RPS6KA2: variants seen among roughly 807,000 people sequenced by gnomAD.
RPS6KA2 encodes the protein ribosomal protein S6 kinase alpha-2.
RPS6KA2 carries 42 observed loss-of-function variants against 91.8 expected under a neutral mutation model. That is an observed-to-expected ratio of 0.46 (90% CI 0.36 to 0.59). RPS6KA2 has a LOEUF of 0.59. Among genes scored for constraint, RPS6KA2 ranks in the 20% least tolerant of loss-of-function variants. The probability of loss-of-function intolerance (pLI) is 0.00; values close to 1 mark genes in which losing one functional copy is unlikely to be tolerated. For missense variants in RPS6KA2, 798 were observed against 978.5 expected, an observed-to-expected ratio of 0.82 and a Z score of 2.46; for synonymous variants, 414 against 393.6, an observed-to-expected ratio of 1.05 and a Z score of -0.61.
chr6:166,840,362 C>G (rs1044431380), intron 2 of RPS6KA2, among the ~76,000 whole-genome samples: 3 of 152,184 alleles, frequency 2.0e-5, no homozygotes, highest in African/African-American at 7.2e-5. Flanking sequence ...CGACGGCCTT[C>G]CTCTCTCTAC....
At chr6:166,442,755 A>G (rs924472610) in intron 14 of RPS6KA2, among the ~76,000 whole-genome samples, 6 of 152,220 alleles carry the variant, frequency 3.9e-5, no homozygotes, top group Non-Finnish European at 8.8e-5. Context: ...TATGACATCT[A>G]TAATAAATAA....
In RPS6KA2 at chr6:166,683,015, A is replaced by G. The variant is rs189737899; in HGVS notation, c.124-144231T>C. 4.3e-4 allele frequency among the ~76,000 whole-genome samples: 66 copies of G among 152,352 alleles called. No individual in the cohort carries two copies. The East Asian group carries it at 0.012, about 28-fold the overall frequency. ...GCAACGAGAAACTAGGGGAAGGCCT[A>G]CCAGCTGATGGACGTCAGATGGGTC... On this transcript the variant is annotated intron_variant, in intron 2 of 21. Coordinates refer to the RPS6KA2 transcript ENST00000503859.
chr6:166,561,404 G>A (rs1008109537), intron 1 of RPS6KA2, among the ~76,000 whole-genome samples: 4 of 151,846 alleles, frequency 2.6e-5, no homozygotes, highest in East Asian at 3.9e-4. Flanking sequence ...AGGCCTGCTC[G>A]TTCCCCGCCA....
chr6:166,701,333 C>CTG, intron 2 of RPS6KA2: 2 of 1,276,064 alleles, frequency 1.6e-6, no homozygotes, highest in Non-Finnish European at 2.3e-6. Flanking sequence ...CCAGTAACTG[C>CTG]CAGCAGCAAA....
intron 1 of RPS6KA2, among the ~76,000 whole-genome samples, chr6:166,607,745 G>C (rs1027608798): frequency 6.6e-6 from 1 of 152,194 alleles, no homozygotes; most frequent in Non-Finnish European, 1.5e-5. Context: ...GAATTGTATG[G>C]TATGTGAATT....
At chr6:166,641,722 A>C (rs1339176690) in intron 2 of RPS6KA2, among the ~76,000 whole-genome samples, 20 of 49,676 alleles carry the variant, frequency 4.0e-4, no homozygotes, top group African/African-American at 2.3e-3. Flanking sequence ...TCTGTCACAA[A>C]AAAAAAAAAA....
At chr6:166,584,488 A>G (rs944326363) in intron 1 of RPS6KA2, among the ~76,000 whole-genome samples, 2 of 152,150 alleles carry the variant, frequency 1.3e-5, no homozygotes, top group African/African-American at 2.4e-5. Context: ...TGACAGGGAC[A>G]CTCTAAATGT....
At chr6:166,718,388 C>T (rs1398634341) in intron 2 of RPS6KA2, among the ~76,000 whole-genome samples, 1 of 152,122 alleles carries the variant, frequency 6.6e-6, no homozygotes, top group Non-Finnish European at 1.5e-5. Flanking sequence ...GTTTCCAAGG[C>T]ACCCCTAAAC....
intron 2 of RPS6KA2, among the ~76,000 whole-genome samples, chr6:166,699,696 T>C (rs757841070): frequency 6.6e-6 from 1 of 152,186 alleles, no homozygotes; most frequent in Non-Finnish European, 1.5e-5. Context: ...AGTGAGCAAA[T>C]GAGTTCGGTA....
chr6:166,550,767 C>A (rs951540780), intron 1 of RPS6KA2, among the ~76,000 whole-genome samples: 2 of 151,924 alleles, frequency 1.3e-5, no homozygotes, highest in South Asian at 2.1e-4. Context: ...CTTTGGGAGG[C>A]CAAGGCGGTC....
At chr6:166,558,905 A>G (rs1291698399) in intron 1 of RPS6KA2, among the ~76,000 whole-genome samples, 1 of 152,222 alleles carries the variant, frequency 6.6e-6, no homozygotes, top group African/African-American at 2.4e-5. Context: ...CAAGTGCTTT[A>G]TGTGAGGCAG....
intron 2 of RPS6KA2, among the ~76,000 whole-genome samples, chr6:166,724,483 G>A (rs972614180): frequency 6.6e-6 from 1 of 151,242 alleles, no homozygotes; most frequent in East Asian, 1.9e-4. Flanking sequence ...GACTTTTTGA[G>A]TTACTCTTTC....
At chr6:166,424,165 C>T (rs960302436) in intron 16 of RPS6KA2, among the ~76,000 whole-genome samples, 2 of 152,218 alleles carry the variant, frequency 1.3e-5, no homozygotes, top group East Asian at 1.9e-4. Flanking sequence ...AAGGGACACA[C>T]TCCAGCAGTC....
At chr6:166,686,099 T>C (rs1319065022) in intron 2 of RPS6KA2, among the ~76,000 whole-genome samples, 1 of 152,128 alleles carries the variant, frequency 6.6e-6, no homozygotes, top group African/African-American at 2.4e-5. Context: ...GAGAATCTTA[T>C]TTGGCAGTGA....
chr6:166,462,646 G>A (rs779193795), intron 11 of RPS6KA2, among the ~76,000 whole-genome samples: 7 of 152,164 alleles, frequency 4.6e-5, no homozygotes, highest in Non-Finnish European at 8.8e-5. Context: ...GAGTCACCTG[G>A]GATGCCCAGT....
At chr6:166,461,995 C>A (rs532954885) in intron 11 of RPS6KA2, among the ~76,000 whole-genome samples, 1 of 152,252 alleles carries the variant, frequency 6.6e-6, no homozygotes, top group Non-Finnish European at 1.5e-5. Flanking sequence ...CCTGTGTGAC[C>A]GCTGCAGGCT....
rs529847017 is a variant in RPS6KA2 at position 166,520,550 on chromosome 6, G to A, written c.299-10193C>T. On this transcript the variant is annotated intron_variant, in intron 3 of 20. Transcript: ENST00000265678. ...CCATCCCGTTGGTTGTGTTACTCTG[G>A]AAAATCCTGAATAATACAGAATTTG... 3.7e-4 allele frequency among the ~76,000 whole-genome samples: 57 copies of A among 152,290 alleles called. No homozygotes were observed. The South Asian group carries it at 4.6e-3, about 12-fold the overall frequency.
At chr6:166,687,467 A>G (rs1789059059) in intron 2 of RPS6KA2, among the ~76,000 whole-genome samples, 1 of 152,196 alleles carries the variant, frequency 6.6e-6, no homozygotes, top group Non-Finnish European at 1.5e-5. Context: ...TAGTGGGGGC[A>G]GGGGGACACC....
In RPS6KA2 at chr6:166,648,022, A is replaced by T. The variant is rs546162285; in HGVS notation, c.124-109238T>A. Reference sequence around the variant, plus strand: ...CTCACACACGCACATGCTTACACACATACATACACACATGCTCTCACACAC... The same window carrying T: ...CTCACACACGCACATGCTTACACACTTACATACACACATGCTCTCACACAC... On this transcript the variant is annotated intron_variant, in intron 2 of 21. Coordinates refer to the RPS6KA2 transcript ENST00000503859. The surrounding 1 kb of genome is among the most constrained non-coding windows in gnomAD (Gnocchi z 4.8). Among the ~76,000 whole-genome samples, 7 of 140,190 alleles carry T rather than the reference A, an allele frequency of 5.0e-5. No individual in the cohort carries two copies. The highest frequency in any genetic ancestry group is 1.8e-4 in the African/African-American group (6 of 33,758). 92.0% of individuals were successfully genotyped at this position (140,190 alleles called of 152,430 possible).
Sources: gnomAD v4.1 joint callset for allele counts (sites outside exome capture counted in the v4.1 genomes callset) on GRCh38, gnomAD v4.1.1 for gene constraint, Gnocchi (gnomAD v3.1) non-coding constraint, MANE v1.5 for transcripts, NCBI Gene and HGNC (gene_info 2026-07-23, HGNC 2026-07-21) for gene names.